TCEA3: variants seen among roughly 807,000 people sequenced by gnomAD.
The protein encoded by TCEA3 is transcription elongation factor A3.
A neutral mutation model predicts 44.0 loss-of-function variants in TCEA3; 36 were observed. The observed-to-expected ratio is 0.82, with a 90% confidence interval of 0.63 to 1.08. TCEA3 has a LOEUF of 1.08. Ranked by LOEUF, TCEA3 falls within the 50% of genes least tolerant of loss-of-function variation. The probability of loss-of-function intolerance (pLI) is 0.00; values close to 1 mark genes in which losing one functional copy is unlikely to be tolerated. For missense variants in TCEA3, 392 were observed against 441.2 expected (o/e 0.89, Z 1.00); for synonymous variants, 162 against 159.7 (o/e 1.01, Z -0.11).
chr1:23,402,271 T>C (rs77943608), intron 5 of TCEA3, among the ~76,000 whole-genome samples: 15 of 152,048 alleles, frequency 9.9e-5, no homozygotes, highest in Non-Finnish European at 1.2e-4. Context: ...ACCCGGGAGG[T>C]GGAGGCTGTA....
At chr1:23,390,067 G>GTA (rs1163698437) in intron 8 of TCEA3, among the ~76,000 whole-genome samples, 1 of 152,198 alleles carries the variant, frequency 6.6e-6, no homozygotes, top group African/African-American at 2.4e-5. Flanking sequence ...AAGCAACAGG[G>GTA]TATGGTGGTT....
chr1:23,413,362 A>G (rs553142580), intron 4 of TCEA3, among the ~76,000 whole-genome samples: 1 of 152,122 alleles, frequency 6.6e-6, no homozygotes, highest in South Asian at 2.1e-4. Context: ...TCCTGAGCTC[A>G]AGTAATCCAC....
intron 5 of TCEA3, 82 bp downstream of exon 5, chr1:23,408,582 C>A: frequency 7.0e-7 from 1 of 1,421,762 alleles, no homozygotes; most frequent in Non-Finnish European, 9.7e-7. Context: ...TTTCCTCTGC[C>A]TTGGGCTTCC....
intron 1 of TCEA3, among the ~76,000 whole-genome samples, chr1:23,423,112 CA>C (rs1640113780): frequency 6.6e-6 from 1 of 152,160 alleles, no homozygotes; most frequent in Non-Finnish European, 1.5e-5. Context: ...ACTTGTGGCT[CA>C]GTTGTACTGA....
chr1:23,409,773 T>C (rs532859945), intron 4 of TCEA3, among the ~76,000 whole-genome samples: 7 of 152,092 alleles, frequency 4.6e-5, no homozygotes, highest in Non-Finnish European at 1.0e-4. Flanking sequence ...GGTCTCAAAC[T>C]CCTGACATCA....
In TCEA3 at chr1:23,424,657, G is replaced by A; in HGVS notation, c.-24C>T. On this transcript the variant is annotated 5_prime_UTR_variant, in exon 1 of 11. Transcript: ENST00000450454. ...ATGTTGGCCCGCGACGCCCGGCGGGGCGAGGGGCACAGGGGCAGCAGTAGG... is the reference window on the plus strand; with the variant it reads ...ATGTTGGCCCGCGACGCCCGGCGGGACGAGGGGCACAGGGGCAGCAGTAGG... The A allele has an allele frequency of 6.3e-7, 1 of 1,596,292 alleles. No homozygotes were observed. Among genetic ancestry groups the A allele is most frequent in the South Asian group, 1.1e-5 (1 of 90,624 alleles).
chr1:23,382,598 C>T lies in TCEA3; in HGVS notation c.1039-1124G>A, dbSNP rs76003035. The stretch of plus-strand genomic sequence containing the variant: ...TCCGTACCCTGGCATGAGGCTGTGC[C>T]GCCTGGAGGAAGGGACACCTTTTTC... On this transcript the variant is annotated intron_variant, in intron 10 of 10. Transcript: ENST00000450454. 3.8e-4 allele frequency among the ~76,000 whole-genome samples: 58 copies of T among 152,282 alleles called. No homozygotes were observed. In the East Asian group the frequency reaches 8.1e-3, roughly 21 times the overall value.
chr1:23,418,185 C>G, intron 2 of TCEA3, 176 bp from the exon 3 acceptor site: 1 of 623,408 alleles, frequency 1.6e-6, no homozygotes, highest in South Asian at 2.0e-5. Context: ...TAAGGCCCTG[C>G]TCTGCACGAG....
At chr1:23,423,359 A>G (rs1307747694) in intron 1 of TCEA3, among the ~76,000 whole-genome samples, 1 of 152,188 alleles carries the variant, frequency 6.6e-6, no homozygotes, top group Non-Finnish European at 1.5e-5. Flanking sequence ...ATCCAGTGAC[A>G]TCCCTTCTCC....
intron 9 of TCEA3, among the ~76,000 whole-genome samples, chr1:23,385,379 G>C (rs1483014868): frequency 6.6e-6 from 1 of 152,208 alleles, no homozygotes. Context: ...AAGCAGTGAC[G>C]AGCAGAGAGA....
In TCEA3 at chr1:23,410,460, C is replaced by T. The variant is rs1185228612; in HGVS notation, c.381-1734G>A. Among the ~76,000 whole-genome samples the T allele has an allele frequency of 3.9e-5, 6 of 152,072 alleles. 1 individual carries two copies. The South Asian group carries it at 8.3e-4, about 21-fold the overall frequency. ...ATAAATAAAAAGGTGACATATTAGTCGATACTAGAGCTAGAGCATCAGGAA... is the reference window on the plus strand; with the variant it reads ...ATAAATAAAAAGGTGACATATTAGTTGATACTAGAGCTAGAGCATCAGGAA... On this transcript the variant is annotated intron_variant, in intron 4 of 10. Transcript: ENST00000450454.
At chr1:23,393,519 G>A (rs1639124806) in intron 8 of TCEA3, among the ~76,000 whole-genome samples, 1 of 152,084 alleles carries the variant, frequency 6.6e-6, no homozygotes, top group Admixed American at 6.6e-5. Flanking sequence ...ACCTAGCGCT[G>A]GGGCCAGACA....
intron 1 of TCEA3, among the ~76,000 whole-genome samples, chr1:23,423,185 C>T (rs989305668): frequency 1.3e-5 from 2 of 152,174 alleles, no homozygotes; most frequent in African/African-American, 2.4e-5. Context: ...GTGAGAAGCT[C>T]CCAGCACTCT....
chr1:23,423,941 C>T (rs1315651794), intron 1 of TCEA3: 14 of 449,660 alleles, frequency 3.1e-5, no homozygotes, highest in South Asian at 1.4e-4. Context: ...GCCCCGCGGG[C>T]CCCCGCACCT....
intron 3 of TCEA3, 148 bp from the exon 4 acceptor site, chr1:23,417,538 G>T (rs1639929544): frequency 7.6e-7 from 1 of 1,309,412 alleles, no homozygotes; most frequent in Non-Finnish European, 1.0e-6. Context: ...ACACACAAAT[G>T]CACAAACAAC....
chr1:23,420,315 C>G (rs369905205), intron 1 of TCEA3, among the ~76,000 whole-genome samples: 2 of 152,204 alleles, frequency 1.3e-5, no homozygotes, highest in East Asian at 1.9e-4. Context: ...AATCACAGTT[C>G]ACTGCAGCTT....
Position 23,421,391 on chromosome 1 carries a change from T to C in TCEA3, c.70-2252A>G, listed in dbSNP as rs183015727. Among the ~76,000 whole-genome samples, 5 of 152,266 alleles carry C rather than the reference T, an allele frequency of 3.3e-5. No homozygotes were observed. The East Asian group carries it at 9.6e-4, about 29-fold the overall frequency. ...CAGTCCTTTTGGGCTCTAACCACTA[T>C]ACAAATTGTGTTAGCATGGGCGCAG... On this transcript the variant is annotated intron_variant, in intron 1 of 10. Transcript: ENST00000450454.
intron 4 of TCEA3, among the ~76,000 whole-genome samples, chr1:23,412,948 G>A (rs1041341184): frequency 2.6e-5 from 4 of 152,070 alleles, no homozygotes; most frequent in Admixed American, 6.6e-5. Flanking sequence ...TAGGACCCCC[G>A]ACAACTGGCT....
At chr1:23,399,961 C>T (rs1200480264) in intron 5 of TCEA3, among the ~76,000 whole-genome samples, 1 of 152,194 alleles carries the variant, frequency 6.6e-6, no homozygotes, top group African/African-American at 2.4e-5. Flanking sequence ...CAGGCATGAG[C>T]TACTGTGCCC....
Sources: gnomAD v4.1 joint callset for allele counts (sites outside exome capture counted in the v4.1 genomes callset) on GRCh38, gnomAD v4.1.1 for gene constraint, MANE v1.5 for transcripts, NCBI Gene and HGNC (gene_info 2026-07-23, HGNC 2026-07-21) for gene names.